Variants in TLK1 observed in about 807,000 individuals in gnomAD.
The protein encoded by TLK1 is serine/threonine-protein kinase tousled-like 1.
In TLK1, 24 loss-of-function variants were observed where a neutral mutation model predicts 105.3. The observed-to-expected ratio is 0.23, with a 90% confidence interval of 0.17 to 0.32. The LOEUF is 0.32. Ranked by LOEUF, TLK1 falls within the 10% of genes least tolerant of loss-of-function variation. The probability of loss-of-function intolerance (pLI) is 1.00; values close to 1 mark genes in which losing one functional copy is unlikely to be tolerated. For synonymous variants in TLK1, 321 were observed against 310.4 expected (o/e 1.03, Z -0.36); for missense variants, 558 against 910.5 (o/e 0.61, Z 4.98).
intron 14 of TLK1, 54 bp from the exon 15 acceptor site, chr2:171,007,117 G>GCTTC: frequency 6.9e-7 from 1 of 1,447,266 alleles, no homozygotes; most frequent in South Asian, 1.3e-5. Context: ...AATAGCTGAA[G>GCTTC]AGATGTTTTT....
intron 1 of TLK1, among the ~76,000 whole-genome samples, chr2:171,201,898 C>CATCTATTT: frequency 6.7e-6 from 1 of 148,294 alleles, no homozygotes; most frequent in South Asian, 2.2e-4. Flanking sequence ...TATCAGCTAT[C>CATCTATTT]ATCTATCTAT....
In TLK1 at chr2:171,160,741, C is replaced by CGGAGCGCGGGA. The variant is rs1433975062; in HGVS notation, c.-314_-313insTCCCGCGCTCC. The stretch of plus-strand genomic sequence containing the variant: ...GAGGGGGTGCCAGCCGGGCCGGGGT[C>CGGAGCGCGGGA]GGAGCGCGGGCGGAGCGCGGGCTGC... On this transcript the variant is annotated 5_prime_UTR_variant, in exon 1 of 21. Transcript: ENST00000431350. The surrounding 1 kb of genome is among the most constrained non-coding windows in gnomAD (Gnocchi z 4.4). The CGGAGCGCGGGA allele has an allele frequency of 7.2e-6, 3 of 419,536 alleles. No homozygotes were observed. Among genetic ancestry groups the CGGAGCGCGGGA allele is most frequent in the African/African-American group, 6.9e-5 (3 of 43,226 alleles). The allele number at this position is 419,536 out of a possible 1,614,324, so 26.0% of individuals were successfully genotyped here.
At chr2:171,024,684 T>G (rs1178789220) in intron 12 of TLK1, among the ~76,000 whole-genome samples, 1 of 152,210 alleles carries the variant, frequency 6.6e-6, no homozygotes, top group Admixed American at 6.5e-5. Context: ...GGTTCAAGTT[T>G]TGGCTTTGTC....
At chr2:171,058,235 G>A in intron 4 of TLK1, 38 bp from the exon 5 acceptor site, 1 of 1,589,122 alleles carries the variant, frequency 6.3e-7, no homozygotes, top group Non-Finnish European at 8.6e-7. Context: ...GTAGGGTAGT[G>A]ATGGGCATCA....
chr2:171,201,875 G>A (rs1289497926), intron 1 of TLK1, among the ~76,000 whole-genome samples: 1 of 152,006 alleles, frequency 6.6e-6, no homozygotes, highest in African/African-American at 2.4e-5. Flanking sequence ...TATGAACTTA[G>A]CCTAAGACCA....
chr2:171,137,891 A>C (rs1334923293), intron 1 of TLK1, among the ~76,000 whole-genome samples: 1 of 151,952 alleles, frequency 6.6e-6, no homozygotes, highest in Non-Finnish European at 1.5e-5. Context: ...AATAAAAAAA[A>C]AACTTTCATT....
intron 1 of TLK1, among the ~76,000 whole-genome samples, chr2:171,149,755 A>G (rs941228650): frequency 2.6e-5 from 4 of 152,112 alleles, no homozygotes; most frequent in Non-Finnish European, 4.4e-5. Flanking sequence ...AAAGTTAAAA[A>G]ATCAGCAGGA....
chr2:171,117,201 C>G (rs1490991889), intron 2 of TLK1, among the ~76,000 whole-genome samples: 1 of 152,128 alleles, frequency 6.6e-6, no homozygotes, highest in Non-Finnish European at 1.5e-5. Context: ...GAGTGCACAA[C>G]CTGGATCCCT....
chr2:171,148,811 C>T (rs1691897713), intron 1 of TLK1, among the ~76,000 whole-genome samples: 1 of 149,106 alleles, frequency 6.7e-6, no homozygotes, highest in South Asian at 2.1e-4. Flanking sequence ...ACCCTGGAGG[C>T]AGAGGATGCA....
rs750196244 is a variant in TLK1, at chr2:170,990,927, G to A, written c.*2853C>T. ...AAGCTCTTCACCATTTTGACTTCATGTAATGAGGTGTTTGTTCACATTTTA... is the reference window on the plus strand; with the variant it reads ...AAGCTCTTCACCATTTTGACTTCATATAATGAGGTGTTTGTTCACATTTTA... On this transcript the variant is annotated 3_prime_UTR_variant, in exon 21 of 21. Transcript: ENST00000431350. The A allele has an allele frequency of 1.3e-5, 2 of 151,798 alleles. No homozygotes were observed. The highest frequency in any genetic ancestry group is 3.9e-4 in the East Asian group (2 of 5,192). 9.4% of individuals were successfully genotyped at this position (151,798 alleles called of 1,614,324 possible).
At chr2:171,162,565 G>A (rs1422851453), upstream of TLK1, among the ~76,000 whole-genome samples, 2 of 152,070 alleles carry the variant, frequency 1.3e-5, no homozygotes, top group Admixed American at 6.6e-5. Flanking sequence ...AAAATAAAGT[G>A]TACAATTTGA....
At chr2:171,139,147 T>C (rs1351844189) in intron 1 of TLK1, among the ~76,000 whole-genome samples, 3 of 152,134 alleles carry the variant, frequency 2.0e-5, no homozygotes. Flanking sequence ...ATACCCAGCA[T>C]TAAAGGAATA....
intron 3 of TLK1, among the ~76,000 whole-genome samples, chr2:171,079,267 T>A (rs1205534699): frequency 1.3e-5 from 2 of 152,212 alleles, no homozygotes; most frequent in Non-Finnish European, 1.5e-5. Flanking sequence ...AACTCGACTA[T>A]CATCTCTTCT....
In TLK1 at chr2:170,996,663, C is replaced by A. The variant is rs1684080233; in HGVS notation, c.2114G>T (p.Ser705Ile). The A allele has an allele frequency of 2.5e-6, 4 of 1,608,458 alleles. No individual in the cohort carries two copies. Among genetic ancestry groups the A allele is most frequent in the Non-Finnish European group, 2.5e-6 (3 of 1,178,628 alleles). The change falls in exon 20 of 21, where the codon AGT (serine) becomes ATT (isoleucine). Residue 705 changes from serine (S) to isoleucine (I), a missense_variant. Ser to Ile is a moderately radical substitution (Grantham distance 142). Transcript: ENST00000431350. ...VQFPVKPVVS[S>I]EAKAFIRRCL... ...ACAAAAATTTAATACCTTGGCTTCA[C>A]TGCTTACAACCGGTTTTACAGGGAA...
chr2:171,105,584 G>A (rs1454288736), intron 2 of TLK1, among the ~76,000 whole-genome samples: 1 of 152,122 alleles, frequency 6.6e-6, no homozygotes, highest in East Asian at 1.9e-4. Flanking sequence ...TACTCAGGAG[G>A]CTGAGGCAGG....
intron 2 of TLK1, among the ~76,000 whole-genome samples, chr2:171,094,249 T>C (rs1015440452): frequency 5.9e-5 from 9 of 152,130 alleles, no homozygotes; most frequent in African/African-American, 1.7e-4. Context: ...GAAATGAAAT[T>C]AGTAGTCTAG....
chr2:171,201,464 C>T (rs1485998704), intron 1 of TLK1, among the ~76,000 whole-genome samples: 1 of 152,166 alleles, frequency 6.6e-6, no homozygotes, highest in East Asian at 1.9e-4. Context: ...TTGAGGACAG[C>T]TGTGTCATGT....
At chr2:171,212,562 G>A (rs541557354) in intron 1 of TLK1, among the ~76,000 whole-genome samples, 4 of 152,258 alleles carry the variant, frequency 2.6e-5, no homozygotes, top group Non-Finnish European at 5.9e-5. Context: ...GGAGATAGAA[G>A]ACTTCAGTTC....
chr2:171,007,510 A>G (rs1684703136), intron 14 of TLK1, among the ~76,000 whole-genome samples: 1 of 151,858 alleles, frequency 6.6e-6, no homozygotes, highest in South Asian at 2.1e-4. Flanking sequence ...AAAGTTCCTA[A>G]CAGTTATTTT....
Sources: allele counts gnomAD v4.1 joint callset (sites outside exome capture counted in the v4.1 genomes callset), GRCh38; gene constraint gnomAD v4.1.1; non-coding constraint Gnocchi (gnomAD v3.1); transcripts MANE v1.5; gene names NCBI Gene and HGNC (gene_info 2026-07-23, HGNC 2026-07-21).